ATP6V0E1: variants seen among roughly 807,000 people sequenced by gnomAD.
ATP6V0E1 encodes ATPase H+ transporting V0 subunit e1.
In ATP6V0E1, 4 loss-of-function variants were observed where a neutral mutation model predicts 11.6. The ratio of observed to expected loss-of-function variants is 0.35; its 90% confidence interval spans 0.17 to 0.79. ATP6V0E1 has a LOEUF of 0.79. ATP6V0E1 is among the 30% of genes least tolerant of loss of function. ATP6V0E1 has a pLI of 0.54. For missense variants in ATP6V0E1, 105 were observed against 100.0 expected (o/e 1.05, Z -0.21); for synonymous variants, 36 against 34.8 (o/e 1.04, Z -0.13).
rs1399601620 is a variant in ATP6V0E1 at position 173,024,213 on chromosome 5, A to AG, written c.*36+3846_*36+3847insG. ...ACTCCGTCTCAAAAAAAAAAAAAAA[A>AG]AAAGAAAGAAATACAGATCATACAA... On this transcript the variant is annotated intron_variant, in intron 3 of 3. Transcript: ENST00000519374. Among the ~76,000 whole-genome samples, 34 of 151,630 alleles carry AG rather than the reference A, an allele frequency of 2.2e-4. No homozygotes were observed. In the South Asian group the frequency reaches 5.4e-3, roughly 24 times the overall value.
intron 1 of ATP6V0E1, among the ~76,000 whole-genome samples, chr5:172,991,250 T>C (rs1755973764): frequency 6.6e-6 from 1 of 152,218 alleles, no homozygotes; most frequent in Non-Finnish European, 1.5e-5. Context: ...TGTGTATATA[T>C]AATTTTGCTG....
Position 172,984,631 on chromosome 5 carries a change from G to T in ATP6V0E1, c.104+667G>T, listed in dbSNP as rs17661716. Among the ~76,000 whole-genome samples, 27 of 152,292 alleles carry T rather than the reference G, an allele frequency of 1.8e-4. No homozygotes were observed. The East Asian group carries it at 1.9e-3, about 11-fold the overall frequency. ...GGCTAAGAAAGATTTTGTTTTTCCAGACTTCTTTGTTGGTTAGAGCTTTGT... is the reference window on the plus strand; with the variant it reads ...GGCTAAGAAAGATTTTGTTTTTCCATACTTCTTTGTTGGTTAGAGCTTTGT... On this transcript the variant is annotated intron_variant, in intron 1 of 3. Coordinates refer to ENST00000519374, the MANE Select transcript of ATP6V0E1 (RefSeq NM_003945.4).
chr5:172,990,206 T>A (rs370894084), intron 1 of ATP6V0E1, among the ~76,000 whole-genome samples: 2 of 152,098 alleles, frequency 1.3e-5, no homozygotes, highest in Non-Finnish European at 2.9e-5. Flanking sequence ...AAAAAACTCT[T>A]CAGAATTTAT....
chr5:173,032,993 G>T (rs1561778895), intron 3 of ATP6V0E1, among the ~76,000 whole-genome samples: 1 of 152,220 alleles, frequency 6.6e-6, no homozygotes, highest in Non-Finnish European at 1.5e-5. Flanking sequence ...CTACTTGGGA[G>T]GCTGAGGCAG....
Position 173,034,603 on chromosome 5 carries a change from A to T in ATP6V0E1, c.*241A>T. 4.9e-6 allele frequency: 3 copies of T among 615,502 alleles called. No homozygotes were observed. Among genetic ancestry groups the T allele is most frequent in the Non-Finnish European group, 8.9e-6 (3 of 338,266 alleles). The allele number at this position is 615,502 out of a possible 1,614,324, so 38.1% of individuals were successfully genotyped here. On this transcript the variant is annotated 3_prime_UTR_variant, in exon 4 of 4. Coordinates refer to ENST00000519374, the MANE Select transcript of ATP6V0E1 (RefSeq NM_003945.4). ...ATAACCTGAACTGTGCCGACTCCACAAAACGATTATGTACTCTTCTGAGAT... is the reference window on the plus strand; with the variant it reads ...ATAACCTGAACTGTGCCGACTCCACTAAACGATTATGTACTCTTCTGAGAT...
intron 2 of ATP6V0E1, among the ~76,000 whole-genome samples, chr5:172,997,628 T>A (rs1393046484): frequency 1.4e-5 from 2 of 146,838 alleles, no homozygotes; most frequent in Non-Finnish European, 3.0e-5. Flanking sequence ...GCTAACACAG[T>A]GAAACCCCGT....
intron 3 of ATP6V0E1, among the ~76,000 whole-genome samples, chr5:173,032,198 C>A (rs1304115400): frequency 6.6e-6 from 1 of 151,854 alleles, no homozygotes; most frequent in African/African-American, 2.4e-5. Flanking sequence ...ATTCCAAAAT[C>A]AAACCGCATG....
At chr5:172,998,470 G>A (rs551761127) in intron 2 of ATP6V0E1, among the ~76,000 whole-genome samples, 8 of 151,974 alleles carry the variant, frequency 5.3e-5, no homozygotes, top group African/African-American at 1.4e-4. Flanking sequence ...AATTAGCTGC[G>A]CGTGATGGTA....
At chr5:173,012,178 TG>T (rs1382416781) in intron 2 of ATP6V0E1, among the ~76,000 whole-genome samples, 4 of 151,930 alleles carry the variant, frequency 2.6e-5, no homozygotes, top group African/African-American at 9.7e-5. Flanking sequence ...ACTACATCCA[TG>T]TGCTACTGTG....
intron 2 of ATP6V0E1, among the ~76,000 whole-genome samples, chr5:172,996,545 G>A (rs1414571265): frequency 1.3e-5 from 2 of 150,020 alleles, no homozygotes; most frequent in African/African-American, 5.0e-5. Flanking sequence ...CTGGGCGACA[G>A]AGCGAGACTC....
rs796860063 is a variant in ATP6V0E1, at chr5:172,991,979, T to TTTTC, written c.105-2787_105-2784dup. 5.0e-3 allele frequency among the ~76,000 whole-genome samples: 742 copies of TTTTC among 148,630 alleles called. 7 individuals are homozygous for TTTTC. The highest frequency in any genetic ancestry group is 0.018 in the African/African-American group (705 of 39,566). Reference sequence around the variant, plus strand: ...CCCTTTTCTTTCCTTCTTCCTTTATTTTTCTTTCTTTCCTTCTTTCTTCTT... The same window carrying TTTTC: ...CCCTTTTCTTTCCTTCTTCCTTTATTTTTCTTTCTTTCTTTCCTTCTTTCTTCTT... On this transcript the variant is annotated intron_variant, in intron 1 of 3. Coordinates refer to ENST00000519374, the MANE Select transcript of ATP6V0E1 (RefSeq NM_003945.4).
Position 172,983,787 on chromosome 5 carries a change from C to CG in ATP6V0E1, c.-72dup. ...GCGGGGCTTGCACACGCTGGTCACG[C>CG]GGTCAGCTATTGACACTTCCTGGTG... On this transcript the variant is annotated 5_prime_UTR_variant, in exon 1 of 4. Coordinates refer to ENST00000519374, the MANE Select transcript of ATP6V0E1 (RefSeq NM_003945.4). 1 of 1,426,988 alleles carries CG rather than the reference C, an allele frequency of 7.0e-7. No individual in the cohort carries two copies. The highest frequency in any genetic ancestry group is 1.1e-5 in the South Asian group (1 of 87,198). 88.4% of individuals were successfully genotyped at this position (1,426,988 alleles called of 1,614,324 possible).
chr5:173,009,946 T>C (rs1162481646), intron 2 of ATP6V0E1, among the ~76,000 whole-genome samples: 2 of 151,468 alleles, frequency 1.3e-5, no homozygotes, highest in African/African-American at 2.4e-5. Flanking sequence ...GTATTTTTAG[T>C]AGAGACGGGG....
At chr5:172,988,957 G>A (rs1755939863) in intron 1 of ATP6V0E1, among the ~76,000 whole-genome samples, 1 of 152,128 alleles carries the variant, frequency 6.6e-6, no homozygotes, top group South Asian at 2.1e-4. Flanking sequence ...CCAATGTGTT[G>A]GGATAACAGG....
intron 1 of ATP6V0E1, chr5:172,986,723 C>A: frequency 4.4e-6 from 2 of 453,274 alleles, no homozygotes; most frequent in Admixed American, 2.4e-5. Context: ...CTGAAACAGC[C>A]CAAGAAGCAG....
At chr5:173,005,314 T>A (rs1008420976) in intron 2 of ATP6V0E1, among the ~76,000 whole-genome samples, 1 of 152,196 alleles carries the variant, frequency 6.6e-6, no homozygotes, top group Non-Finnish European at 1.5e-5. Context: ...AGGTTTTCTT[T>A]TGTTTCTTTC....
chr5:173,005,999 T>G (rs1160697404), intron 2 of ATP6V0E1, among the ~76,000 whole-genome samples: 1 of 152,230 alleles, frequency 6.6e-6, no homozygotes, highest in African/African-American at 2.4e-5. Context: ...AGATTGGGAC[T>G]TATTTTATGC....
At position 172,983,819 on chromosome 5, in the gene ATP6V0E1, G is replaced by C. The variant is rs770554541; in HGVS notation, c.-42G>C. On this transcript the variant is annotated 5_prime_UTR_variant, in exon 1 of 4. Transcript: ENST00000519374. ...CTATTGACACTTCCTGGTGGGATCC[G>C]AGTGAGGCGACGGGGTAGGGGTTGG... The C allele has an allele frequency of 6.3e-7, 1 of 1,587,722 alleles. No homozygotes were observed. The highest frequency in any genetic ancestry group is 8.6e-7 in the Non-Finnish European group (1 of 1,157,204).
At chr5:173,022,601 T>G (rs1457155836) in intron 3 of ATP6V0E1, among the ~76,000 whole-genome samples, 1 of 152,084 alleles carries the variant, frequency 6.6e-6, no homozygotes, top group Non-Finnish European at 1.5e-5. Context: ...TGCCCCAGCC[T>G]CCCAAGTAGC....
Sources: gnomAD v4.1 joint callset for allele counts (sites outside exome capture counted in the v4.1 genomes callset) on GRCh38, gnomAD v4.1.1 for gene constraint, MANE v1.5 for transcripts, NCBI Gene and HGNC (gene_info 2026-07-23, HGNC 2026-07-21) for gene names.